PCDHA2: variants seen among roughly 807,000 people sequenced by gnomAD.
PCDHA2 encodes the protein protocadherin alpha-2.
PCDHA2 carries 58 observed loss-of-function variants against 66.0 expected under a neutral mutation model. The ratio of observed to expected loss-of-function variants is 0.88; its 90% CI spans 0.71 to 1.09. The LOEUF is 1.09. Among genes scored for constraint, PCDHA2 ranks in the 50% least tolerant of loss-of-function variants. PCDHA2 has a pLI of 0.00. For missense variants in PCDHA2, 1,267 were observed against 1,242.3 expected (o/e 1.02, Z -0.30); for synonymous variants, 634 against 554.0 (o/e 1.14, Z -2.03).
chr5:140,980,873 T>C (rs1586863406), intron 2 of PCDHA2, among the ~76,000 whole-genome samples: 1 of 152,338 alleles, frequency 6.6e-6, no homozygotes, highest in East Asian at 1.9e-4. Context: ...TGCTTGGGTG[T>C]TCTCGGTCTT....
chr5:140,877,380 C>A, intron 1 of PCDHA2: 1 of 1,613,980 alleles, frequency 6.2e-7, no homozygotes, highest in Non-Finnish European at 8.5e-7. Context: ...CGACACGCAT[C>A]CTGGATGAGG....
chr5:140,843,528 A>G (rs2150362110), intron 1 of PCDHA2: 1 of 1,596,000 alleles, frequency 6.3e-7, no homozygotes, highest in Non-Finnish European at 8.6e-7. Context: ...CGGGCGGGCA[A>G]GCCCACTCTG....
At chr5:140,969,610 GA>G in intron 1 of PCDHA2, 1 of 723,542 alleles carries the variant, frequency 1.4e-6, no homozygotes, top group East Asian at 2.8e-5. Context: ...CTAAAACACA[GA>G]TTTGTAGAGA....
intron 1 of PCDHA2, chr5:140,867,240 G>C (rs538392641): frequency 6.6e-6 from 1 of 152,186 alleles, no homozygotes; most frequent in African/African-American, 2.4e-5. Context: ...TAAGGTGATT[G>C]AGGATCTGTT....
intron 1 of PCDHA2, chr5:140,822,764 C>A (rs1767428051): frequency 2.5e-6 from 4 of 1,613,898 alleles, no homozygotes; most frequent in Non-Finnish European, 1.7e-6. Context: ...TTCCCATTAT[C>A]AGGACACTGT....
intron 1 of PCDHA2, chr5:140,843,055 C>A (rs2150351247): frequency 3.1e-6 from 5 of 1,595,020 alleles, no homozygotes; most frequent in Admixed American, 1.7e-5. Context: ...GCGCAGCGAG[C>A]AAGCTGGTGC....
At position 140,829,715 on chromosome 5, in the gene PCDHA2, G is replaced by A. The variant is rs2150173253; in HGVS notation, c.2388+32363G>A. On this transcript the variant is annotated intron_variant, in intron 1 of 3. Coordinates refer to ENST00000526136, the MANE Select transcript of PCDHA2 (RefSeq NM_018905.3). ...TCAGGTGAGCGCGCGCGACGCGGGC[G>A]TGCCGCCTCTGGGCAGCAACGTGAC... is the stretch of plus-strand genomic sequence containing the variant. 5.6e-6 allele frequency: 9 copies of A among 1,613,468 alleles called. No individual in the cohort carries two copies. The Admixed American group carries it at 1.0e-4, about 18-fold the overall frequency.
chr5:140,974,419 C>T (rs998974699), intron 1 of PCDHA2, among the ~76,000 whole-genome samples: 1 of 152,208 alleles, frequency 6.6e-6, no homozygotes, highest in African/African-American at 2.4e-5. Flanking sequence ...GTTTATTTTA[C>T]TTTCCTGGTT....
intron 3 of PCDHA2, among the ~76,000 whole-genome samples, chr5:141,002,222 G>A (rs1278350490): frequency 2.0e-5 from 3 of 152,212 alleles, no homozygotes; most frequent in Non-Finnish European, 4.4e-5. Context: ...AAAATGATGG[G>A]TTTTCTGGAA....
intron 1 of PCDHA2, chr5:140,837,027 GTATTTACAAAATCAAA>G (rs1484122641): frequency 1.7e-5 from 4 of 237,742 alleles, no homozygotes; most frequent in African/African-American, 9.1e-5. Context: ...CTTCTATAGT[GTATTTACAAAATCAAA>G]TATTTACATT....
At chr5:140,842,366 G>C in intron 1 of PCDHA2, 1 of 1,608,006 alleles carries the variant, frequency 6.2e-7, no homozygotes, top group Non-Finnish European at 8.5e-7. Flanking sequence ...TAACGTCCCT[G>C]AGATAGCACT....
chr5:140,841,888 T>G, intron 1 of PCDHA2: 1 of 1,613,782 alleles, frequency 6.2e-7, no homozygotes, highest in East Asian at 2.2e-5. Context: ...ACGATGAGAA[T>G]AAACTGGTTG....
At chr5:140,994,998 G>A (rs2097659261) in intron 3 of PCDHA2, among the ~76,000 whole-genome samples, 1 of 152,150 alleles carries the variant, frequency 6.6e-6, no homozygotes, top group African/African-American at 2.4e-5. Context: ...AGGTTAGTTG[G>A]TTTGTTTATA....
intron 1 of PCDHA2, among the ~76,000 whole-genome samples, chr5:140,914,169 G>A (rs997751296): frequency 1.1e-4 from 17 of 152,140 alleles, no homozygotes; most frequent in Admixed American, 6.5e-5. Context: ...GGAAAGTGGG[G>A]TGTTGAATTC....
intron 1 of PCDHA2, chr5:140,809,272 T>G (rs782439695): frequency 6.2e-7 from 1 of 1,613,988 alleles, no homozygotes; most frequent in Admixed American, 1.7e-5. Context: ...CGCTGGTGGA[T>G]GTCAACGTAT....
intron 1 of PCDHA2, chr5:140,842,864 G>C (rs1554139478): frequency 1.3e-6 from 2 of 1,593,918 alleles, no homozygotes; most frequent in Non-Finnish European, 1.7e-6. Context: ...CACGGAGAGC[G>C]GCAAGGTGTA....
intron 1 of PCDHA2, chr5:140,843,282 A>G: frequency 1.3e-6 from 2 of 1,596,026 alleles, no homozygotes; most frequent in South Asian, 1.1e-5. Context: ...GTGAAGGATC[A>G]TGGTGAACCT....
intron 1 of PCDHA2, chr5:140,809,989 CA>C (rs1431983915): frequency 6.4e-6 from 1 of 157,120 alleles, no homozygotes; most frequent in Non-Finnish European, 1.4e-5. Context: ...ATGCACCTGC[CA>C]AATCACTTCC....
intron 1 of PCDHA2, chr5:140,849,848 C>G (rs1554143388): frequency 1.9e-6 from 3 of 1,598,430 alleles, no homozygotes; most frequent in African/African-American, 1.3e-5. Flanking sequence ...TGAACGACAA[C>G]GCACCAGCGT....
Sources: gnomAD v4.1 joint callset for allele counts (sites outside exome capture counted in the v4.1 genomes callset) on GRCh38, gnomAD v4.1.1 for gene constraint, MANE v1.5 for transcripts, NCBI Gene and HGNC (gene_info 2026-07-23, HGNC 2026-07-21) for gene names.